TUSC3: variants seen among roughly 807,000 people sequenced by gnomAD.
The protein encoded by TUSC3 is tumor suppressor candidate 3.
TUSC3 carries 45 observed loss-of-function variants against 44.8 expected under a neutral mutation model. That is an observed-to-expected ratio of 1.00 (90% CI 0.79 to 1.29). TUSC3 has a LOEUF of 1.29. TUSC3 is among the 50% of genes most tolerant of loss of function. TUSC3 has a pLI of 0.00. For missense variants in TUSC3, 519 were observed against 437.9 expected (o/e 1.19, Z -1.65); for synonymous variants, 212 against 152.9 (o/e 1.39, Z -2.85).
chr8:15,698,162 C>G (rs1212217092), intron 6 of TUSC3, among the ~76,000 whole-genome samples: 1 of 152,008 alleles, frequency 6.6e-6, no homozygotes. Flanking sequence ...AGCCCTGTTC[C>G]TAAAATGAAT....
the TUSC3 span, among the ~76,000 whole-genome samples, chr8:15,846,192 A>G: frequency 2.0e-5 from 3 of 152,268 alleles, no homozygotes; most frequent in South Asian, 6.2e-4. Flanking sequence ...GCCAAACCAT[A>G]TCAACTCCGA....
the TUSC3 span, among the ~76,000 whole-genome samples, chr8:15,780,726 G>T: frequency 6.6e-6 from 1 of 152,190 alleles, no homozygotes; most frequent in South Asian, 2.1e-4. Flanking sequence ...CAGGTCTACT[G>T]TTTCCTCCTG....
At chr8:15,784,565 G>C in the TUSC3 span, among the ~76,000 whole-genome samples, 1 of 151,810 alleles carries the variant, frequency 6.6e-6, no homozygotes, top group Non-Finnish European at 1.5e-5. Flanking sequence ...CACACACCGT[G>C]GAATACCATT....
At chr8:15,512,205 T>C (rs1585071331) in intron 2 of TUSC3, among the ~76,000 whole-genome samples, 1 of 152,314 alleles carries the variant, frequency 6.6e-6, no homozygotes, top group East Asian at 1.9e-4. Context: ...TCTAGATATT[T>C]CTGTGAATGT....
chr8:15,713,142 A>C (rs935238646), intron 6 of TUSC3, among the ~76,000 whole-genome samples: 1 of 152,198 alleles, frequency 6.6e-6, no homozygotes, highest in Non-Finnish European at 1.5e-5. Flanking sequence ...TTGAAATAAT[A>C]CATAACTATA....
At position 15,766,222 on chromosome 8, in the gene TUSC3, G is replaced by A. The variant is rs915828140; in HGVS notation, c.*2066G>A. 2.6e-5 allele frequency: 4 copies of A among 151,926 alleles called. No individual in the cohort carries two copies. The highest frequency in any genetic ancestry group is 9.7e-5 in the African/African-American group (4 of 41,350). The allele number at this position is 151,926 out of a possible 1,614,324, so 9.4% of individuals were successfully genotyped here. Reference sequence around the variant, plus strand: ...TCTCTATAGACAACTGTTACATTAGGGAAGTGATTCTAGAGCAAAATATAC... The same window carrying A: ...TCTCTATAGACAACTGTTACATTAGAGAAGTGATTCTAGAGCAAAATATAC... On this transcript the variant is annotated 3_prime_UTR_variant, in exon 11 of 11. Coordinates refer to ENST00000503731, the MANE Select transcript of TUSC3 (RefSeq NM_006765.4).
intron 1 of TUSC3, among the ~76,000 whole-genome samples, chr8:15,567,304 TCTTTA>T (rs1168093201): frequency 6.6e-6 from 1 of 152,204 alleles, no homozygotes; most frequent in Non-Finnish European, 1.5e-5. Flanking sequence ...ACTTACTGTT[TCTTTA>T]CTTAGCCACC....
chr8:15,502,507 T>G (rs1800980865), intron 2 of TUSC3, among the ~76,000 whole-genome samples: 1 of 152,174 alleles, frequency 6.6e-6, no homozygotes, highest in African/African-American at 2.4e-5. Context: ...GTTTGTTTGT[T>G]TGAGACGGAG....
At chr8:15,417,348 C>A (rs899791811) in intron 1 of TUSC3, 1 of 152,238 alleles carries the variant, frequency 6.6e-6, no homozygotes, top group Non-Finnish European at 1.5e-5. Flanking sequence ...TACACAGTCT[C>A]AGGTATTTCT....
intron 1 of TUSC3, among the ~76,000 whole-genome samples, chr8:15,606,286 C>A (rs552003574): frequency 1.3e-5 from 2 of 151,890 alleles, no homozygotes; most frequent in East Asian, 3.9e-4. Context: ...TGTATTTTGT[C>A]CTATGATTTC....
At chr8:15,711,463 C>CGTGTGTGTGT (rs36058270) in intron 6 of TUSC3, among the ~76,000 whole-genome samples, 35 of 144,908 alleles carry the variant, frequency 2.4e-4, no homozygotes, top group African/African-American at 4.0e-4. Flanking sequence ...CAAAAAGGTA[C>CGTGTGTGTGT]GTGTGTGTGT....
At chr8:15,581,637 A>G (rs894879814) in intron 1 of TUSC3, among the ~76,000 whole-genome samples, 2 of 149,796 alleles carry the variant, frequency 1.3e-5, no homozygotes, top group Non-Finnish European at 3.0e-5. Flanking sequence ...CTTGGGGGTC[A>G]GGGGTCAGGG....
intron 1 of TUSC3, among the ~76,000 whole-genome samples, chr8:15,605,531 C>A (rs912663172): frequency 7.9e-5 from 12 of 151,248 alleles, no homozygotes; most frequent in African/African-American, 2.7e-4. Flanking sequence ...TTTTTCAAAT[C>A]AATATATTGG....
intron 1 of TUSC3, among the ~76,000 whole-genome samples, chr8:15,566,461 A>T (rs1378412405): frequency 6.6e-6 from 1 of 152,090 alleles, no homozygotes; most frequent in Non-Finnish European, 1.5e-5. Flanking sequence ...AAGTTTAAAG[A>T]TTTTTGTCAC....
intron 9 of TUSC3, among the ~76,000 whole-genome samples, chr8:15,754,467 A>G (rs947964894): frequency 6.6e-6 from 1 of 152,188 alleles, no homozygotes; most frequent in African/African-American, 2.4e-5. Context: ...ATTCTTCTTC[A>G]CAGTAGCTCT....
chr8:15,726,049 G>A (rs1290808418), intron 6 of TUSC3, among the ~76,000 whole-genome samples: 1 of 151,984 alleles, frequency 6.6e-6, no homozygotes, highest in Non-Finnish European at 1.5e-5. Context: ...TCTTATTTTC[G>A]GAACATTACG....
At chr8:15,686,059 T>G (rs1808615063) in intron 6 of TUSC3, among the ~76,000 whole-genome samples, 1 of 152,106 alleles carries the variant, frequency 6.6e-6, no homozygotes, top group Non-Finnish European at 1.5e-5. Flanking sequence ...TGCAAGTTTA[T>G]TTGTTTGTCA....
intron 1 of TUSC3, among the ~76,000 whole-genome samples, chr8:15,426,888 C>G (rs1046207288): frequency 1.3e-5 from 2 of 152,134 alleles, no homozygotes; most frequent in Non-Finnish European, 2.9e-5. Flanking sequence ...TACATCCTTT[C>G]AAATACACTA....
intron 2 of TUSC3, among the ~76,000 whole-genome samples, chr8:15,486,781 C>G (rs1484523014): frequency 6.6e-6 from 1 of 152,148 alleles, no homozygotes; most frequent in Non-Finnish European, 1.5e-5. Flanking sequence ...CTATATTTTC[C>G]TTTTACTGGT....
Sources: allele counts gnomAD v4.1 joint callset (sites outside exome capture counted in the v4.1 genomes callset), GRCh38; gene constraint gnomAD v4.1.1; transcripts MANE v1.5; gene names NCBI Gene and HGNC (gene_info 2026-07-23, HGNC 2026-07-21).